The following CAST variants were observed in gnomAD, a reference collection of about 807,000 sequenced individuals.
CAST encodes calpastatin.
In CAST, 76 loss-of-function variants were observed where a neutral mutation model predicts 119.6. The observed-to-expected ratio is 0.64, with a 90% CI of 0.53 to 0.77. CAST has a LOEUF of 0.77. Among genes scored for constraint, CAST ranks in the 30% least tolerant of loss-of-function variants. The pLI is 0.00. For missense variants in CAST, 953 were observed against 946.5 expected (o/e 1.01, Z -0.09); for synonymous variants, 319 against 331.6 (o/e 0.96, Z 0.41).
At chr5:96,534,737 GAGAGAAAGAA>G (rs1188282160) in intron 1 of CAST, among the ~76,000 whole-genome samples, 27 of 14,216 alleles carry the variant, frequency 1.9e-3, no homozygotes, top group African/African-American at 5.0e-3. Context: ...GAGAGAGAGA[GAGAGAAAGAA>G]AGAAAGAAAG....
At chr5:96,270,879 GA>G in the CAST span, among the ~76,000 whole-genome samples, 28 of 138,808 alleles carry the variant, frequency 2.0e-4, no homozygotes, top group African/African-American at 5.6e-4. Flanking sequence ...AAAAGATTAA[GA>G]AAAAAAAAAG....
intron 1 of CAST, among the ~76,000 whole-genome samples, chr5:96,607,566 TG>T (rs1747282544): frequency 1.3e-5 from 2 of 152,344 alleles, no homozygotes; most frequent in South Asian, 2.1e-4. Flanking sequence ...CATATTAATA[TG>T]ATATAACTAC....
the CAST span, among the ~76,000 whole-genome samples, chr5:96,158,496 A>G: frequency 1.3e-5 from 2 of 152,312 alleles, no homozygotes; most frequent in East Asian, 3.9e-4. Context: ...ATATTTAAAG[A>G]TCTATAATAA....
chr5:96,408,783 T>C, the CAST span, among the ~76,000 whole-genome samples: 1 of 152,364 alleles, frequency 6.6e-6, no homozygotes, highest in African/African-American at 2.4e-5. Context: ...GAAGACATCC[T>C]GGCCTTAGCC....
chr5:96,209,067 A>G, the CAST span, among the ~76,000 whole-genome samples: 6 of 151,926 alleles, frequency 3.9e-5, no homozygotes, highest in Non-Finnish European at 5.9e-5. Context: ...ACCCCTTACC[A>G]TTATGTAATG....
chr5:96,742,379 A>G, intron 15 of CAST: 1 of 329,876 alleles, frequency 3.0e-6, no homozygotes, highest in Non-Finnish European at 5.6e-6. Context: ...TAGTAATATT[A>G]CTATAGCTTT....
At chr5:96,705,345 GA>G (rs557383702) in intron 3 of CAST, among the ~76,000 whole-genome samples, 2 of 149,394 alleles carry the variant, frequency 1.3e-5, no homozygotes, top group Non-Finnish European at 3.0e-5. Context: ...AGAAAAAAAA[GA>G]AAAAAAAAGA....
the CAST span, among the ~76,000 whole-genome samples, chr5:96,223,660 A>G: frequency 2.6e-5 from 4 of 152,162 alleles, no homozygotes; most frequent in African/African-American, 9.7e-5. Context: ...TTTAAGCCAC[A>G]CCATTTGTGG....
At chr5:96,490,712 C>T in the CAST span, among the ~76,000 whole-genome samples, 3 of 151,868 alleles carry the variant, frequency 2.0e-5, no homozygotes, top group African/African-American at 7.3e-5. Flanking sequence ...AAACATAAAT[C>T]TGAACCTCCT....
chr5:96,321,396 G>A, the CAST span, among the ~76,000 whole-genome samples: 1 of 152,192 alleles, frequency 6.6e-6, no homozygotes, highest in Non-Finnish European at 1.5e-5. Context: ...GTTAGAGCCT[G>A]CAAACTCATA....
At chr5:95,979,986 T>C in the CAST span, among the ~76,000 whole-genome samples, 1 of 151,758 alleles carries the variant, frequency 6.6e-6, no homozygotes, top group Non-Finnish European at 1.5e-5. Context: ...GGCATGGTGG[T>C]GGGCACCTGT....
At chr5:96,529,237 A>G (rs1745647132), upstream of CAST, among the ~76,000 whole-genome samples, 1 of 152,216 alleles carries the variant, frequency 6.6e-6, no homozygotes, top group South Asian at 2.1e-4. Flanking sequence ...AAAAGGAAGA[A>G]ACTAAGAGAA....
intron 1 of CAST, among the ~76,000 whole-genome samples, chr5:96,621,925 G>A (rs140566114): frequency 1.0e-3 from 152 of 151,646 alleles, no homozygotes; most frequent in Non-Finnish European, 1.3e-3. Flanking sequence ...AGGAATACCT[G>A]CTGACTGAGT....
At chr5:96,582,041 A>T (rs1176178137) in intron 1 of CAST, among the ~76,000 whole-genome samples, 4 of 152,264 alleles carry the variant, frequency 2.6e-5, no homozygotes, top group Admixed American at 6.5e-5. Flanking sequence ...TCTTTGCAAT[A>T]GAATGTTCAA....
chr5:96,552,466 G>C (rs1746152166), intron 1 of CAST, among the ~76,000 whole-genome samples: 1 of 152,132 alleles, frequency 6.6e-6, no homozygotes, highest in Non-Finnish European at 1.5e-5. Flanking sequence ...GGAGAAAGCA[G>C]GAGAGATCTA....
intron 10 of CAST, 30 bp from the exon 11 acceptor site, chr5:96,737,819 A>G: frequency 7.9e-7 from 1 of 1,260,484 alleles, no homozygotes; most frequent in South Asian, 1.3e-5. Flanking sequence ...ATAACAAATA[A>G]CATTTAAATA....
the CAST span, among the ~76,000 whole-genome samples, chr5:96,364,456 A>C: frequency 2.6e-5 from 4 of 152,142 alleles, no homozygotes; most frequent in Non-Finnish European, 5.9e-5. Context: ...CTGGTCCTGA[A>C]CTTTTTTTGG....
the CAST span, among the ~76,000 whole-genome samples, chr5:96,145,111 G>A: frequency 3.9e-5 from 6 of 152,082 alleles, no homozygotes; most frequent in African/African-American, 1.4e-4. Context: ...TAACATATTT[G>A]TGAACATCAA....
intron 27 of CAST, 125 bp downstream of exon 27, chr5:96,766,270 T>C: frequency 1.7e-6 from 1 of 593,802 alleles, no homozygotes; most frequent in Non-Finnish European, 3.0e-6. Flanking sequence ...ACTGACTGCT[T>C]CTAATGTGTC....
Sources: allele counts gnomAD v4.1 joint callset (sites outside exome capture counted in the v4.1 genomes callset), GRCh38; gene constraint gnomAD v4.1.1; transcripts MANE v1.5; gene names NCBI Gene and HGNC (gene_info 2026-07-23, HGNC 2026-07-21).